KLF8: variants seen among roughly 807,000 people sequenced by gnomAD.
The protein encoded by KLF8 is KLF transcription factor 8, also known as Krueppel-like factor 8.
KLF8 carries 10 observed loss-of-function variants against 18.2 expected under a neutral mutation model. The ratio of observed to expected loss-of-function variants is 0.55; its 90% CI spans 0.34 to 0.93. KLF8 has a LOEUF of 0.93. KLF8 is among the 40% of genes least tolerant of loss of function. The probability of loss-of-function intolerance (pLI) is 0.02; values close to 1 mark genes in which losing one functional copy is unlikely to be tolerated. For synonymous variants in KLF8, 109 were observed against 97.3 expected, an observed-to-expected ratio of 1.12 and a Z score of -0.71; for missense variants, 264 against 277.9, an observed-to-expected ratio of 0.95 and a Z score of 0.36.
At chrX:56,259,195 T>TTC (rs199996880) in intron 2 of KLF8, among the ~76,000 whole-genome samples, 2 of 109,265 alleles carry the variant, frequency 1.8e-5, no homozygotes, top group South Asian at 4.0e-4. Flanking sequence ...CACAGCCTAA[T>TTC]TCTCTCTCTC....
At chrX:56,116,634 GATATATATATATATATAT>G in the KLF8 span, among the ~76,000 whole-genome samples, 10 of 78,157 alleles carry the variant, frequency 1.3e-4, no homozygotes, top group South Asian at 3.1e-3. Flanking sequence ...ATGATGTTCT[GATATATATATATATATAT>G]ATATATATAT....
At chrX:56,058,754 A>G in the KLF8 span, among the ~76,000 whole-genome samples, 1 of 111,214 alleles carries the variant, frequency 9.0e-6, no homozygotes, top group East Asian at 2.8e-4. Flanking sequence ...TCTATCATTG[A>G]TGGGCATTTG....
the KLF8 span, among the ~76,000 whole-genome samples, chrX:56,108,288 A>C: frequency 9.0e-6 from 1 of 111,678 alleles, no homozygotes; most frequent in South Asian, 3.8e-4. Context: ...TCTGATCTTA[A>C]GGGGAAAGGT....
chrX:56,005,035 T>G, the KLF8 span, among the ~76,000 whole-genome samples: 46 of 75,402 alleles, frequency 6.1e-4, no homozygotes, highest in East Asian at 3.4e-3. Context: ...TTATGATTAT[T>G]ATTATTATTA....
the KLF8 span, among the ~76,000 whole-genome samples, chrX:55,956,339 T>G: frequency 8.9e-6 from 1 of 111,970 alleles, no homozygotes; most frequent in East Asian, 2.8e-4. Context: ...TTGGCTATTG[T>G]GAATAAAACT....
chrX:56,231,473 G>A (rs947416142), upstream of KLF8, among the ~76,000 whole-genome samples: 1 of 111,920 alleles, frequency 8.9e-6, no homozygotes, highest in Non-Finnish European at 1.9e-5. Context: ...TCAGGGACTT[G>A]CCCATATTAG....
the KLF8 span, among the ~76,000 whole-genome samples, chrX:56,092,841 ACT>A: frequency 9.2e-6 from 1 of 108,869 alleles, no homozygotes; most frequent in Non-Finnish European, 1.9e-5. Context: ...AGAGATGAAA[ACT>A]CTGTCACAGA....
At chrX:56,197,520 C>A in the KLF8 span, among the ~76,000 whole-genome samples, 5 of 111,614 alleles carry the variant, frequency 4.5e-5, no homozygotes, top group African/African-American at 1.3e-4. Context: ...CACATACACC[C>A]TCCCAAGACT....
intron 1 of KLF8, among the ~76,000 whole-genome samples, chrX:56,248,102 G>T (rs1233667079): frequency 9.1e-6 from 1 of 110,346 alleles, no homozygotes; most frequent in African/African-American, 3.3e-5. Context: ...AATCATTGTC[G>T]TATCTATGAG....
the KLF8 span, among the ~76,000 whole-genome samples, chrX:55,999,926 T>TG: frequency 2.7e-5 from 3 of 112,274 alleles, no homozygotes; most frequent in East Asian, 8.4e-4. Context: ...GTCCCAGTTC[T>TG]GAAGGGGAAT....
the KLF8 span, among the ~76,000 whole-genome samples, chrX:56,164,830 C>T: frequency 1.5e-4 from 13 of 87,436 alleles, no homozygotes; most frequent in Non-Finnish European, 2.6e-4. Flanking sequence ...TATACATGTG[C>T]CATGCTGGTG....
the KLF8 span, among the ~76,000 whole-genome samples, chrX:56,066,202 T>A: frequency 2.7e-5 from 3 of 112,111 alleles, no homozygotes; most frequent in African/African-American, 9.7e-5. Flanking sequence ...TTGCAGTTTG[T>A]GTGGGTGGGT....
At chrX:56,172,040 T>G in the KLF8 span, among the ~76,000 whole-genome samples, 2 of 111,439 alleles carry the variant, frequency 1.8e-5, no homozygotes, top group Non-Finnish European at 3.8e-5. Context: ...ACCTGTTGTT[T>G]CCTGACTTTT....
the KLF8 span, among the ~76,000 whole-genome samples, chrX:55,972,440 A>G: frequency 4.9e-5 from 1 of 20,424 alleles, no homozygotes; most frequent in Non-Finnish European, 3.9e-4. Context: ...GAGTACAACA[A>G]ATAGAAAGAA....
chrX:56,154,242 G>A, the KLF8 span, among the ~76,000 whole-genome samples: 6 of 111,182 alleles, frequency 5.4e-5, no homozygotes, highest in Admixed American at 1.9e-4. Context: ...CATGGTACTG[G>A]TACCAAAACA....
chrX:55,948,474 A>G, the KLF8 span, among the ~76,000 whole-genome samples: 1 of 112,265 alleles, frequency 8.9e-6, no homozygotes, highest in African/African-American at 3.2e-5. Flanking sequence ...TTTATTCCCA[A>G]TTAAGAAGTT....
the KLF8 span, among the ~76,000 whole-genome samples, chrX:56,023,291 G>A: frequency 5.7e-4 from 64 of 111,917 alleles, no homozygotes; most frequent in Non-Finnish European, 6.2e-4. Context: ...ACAGCAAAAT[G>A]ATAGATGTGA....
the KLF8 span, among the ~76,000 whole-genome samples, chrX:56,004,102 C>T: frequency 8.9e-6 from 1 of 112,109 alleles, no homozygotes; most frequent in African/African-American, 3.2e-5. Flanking sequence ...GCTCCAGTTT[C>T]TTTTCACAGT....
At chrX:56,189,198 A>T in the KLF8 span, among the ~76,000 whole-genome samples, 4 of 111,885 alleles carry the variant, frequency 3.6e-5, no homozygotes, top group African/African-American at 1.3e-4. Flanking sequence ...ACCCCATCAA[A>T]AAGTGGACGA....
Sources: allele counts gnomAD v4.1 joint callset (sites outside exome capture counted in the v4.1 genomes callset), GRCh38; gene constraint gnomAD v4.1.1; transcripts MANE v1.5; gene names NCBI Gene and HGNC (gene_info 2026-07-23, HGNC 2026-07-21).